FMN1: variants seen among roughly 807,000 people sequenced by gnomAD.
FMN1 encodes the protein formin-1.
In FMN1, 110 loss-of-function variants were observed where a neutral mutation model predicts 132.4. The observed-to-expected ratio is 0.83, with a 90% CI of 0.71 to 0.97. The LOEUF (loss-of-function observed/expected upper bound fraction) is 0.97. FMN1 is among the 50% of genes least tolerant of loss of function. The pLI, the probability that FMN1 is intolerant of heterozygous loss-of-function variation, is 0.00. For missense variants in FMN1, 1,792 were observed against 1,705.3 expected (o/e 1.05, Z -0.90); for synonymous variants, 722 against 651.7 (o/e 1.11, Z -1.64).
intron 6 of FMN1, among the ~76,000 whole-genome samples, chr15:33,047,164 T>C (rs2036726046): frequency 6.6e-6 from 1 of 152,214 alleles, no homozygotes; most frequent in Non-Finnish European, 1.5e-5. Flanking sequence ...TGTGTGGCCT[T>C]TACCATTTGC....
At chr15:32,991,841 A>G (rs1204026030) in intron 7 of FMN1, among the ~76,000 whole-genome samples, 1 of 152,186 alleles carries the variant, frequency 6.6e-6, no homozygotes, top group Non-Finnish European at 1.5e-5. Flanking sequence ...TATGGATCCA[A>G]TAAGAGAGCT....
At position 32,804,297 on chromosome 15, in the gene FMN1, C is replaced by T; in HGVS notation, c.3964G>A (p.Glu1322Lys). The T allele has an allele frequency of 6.4e-7, 1 of 1,569,230 alleles. No individual in the cohort carries two copies. The highest frequency in any genetic ancestry group is 2.3e-5 in the East Asian group (1 of 43,086). Residue 1322 changes from glutamate to lysine, a missense_variant, in exon 18 of 21, where the codon GAG (glutamate) becomes AAG (lysine). This residue lies in a region of FMN1 where 1,150 missense variants were observed against 1,043.1 expected (regional missense o/e 1.10). Coordinates refer to ENST00000616417, the MANE Select transcript of FMN1 (RefSeq NM_001277313.2). ...KEHKMEESHL[E>K]NAQKSFETTV... The stretch of plus-strand genomic sequence containing the variant: ...GCTGCTTACCTTTTCTGTGCATTCT[C>T]CAAGTGACTTTCTTCCATCTTATGC...
chr15:33,154,183 T>C lies in FMN1; in HGVS notation c.732A>G (p.Pro244=). The change falls in exon 4 of 21, where the codon CCA becomes CCG. Residue 244 remains proline (P), a synonymous_variant. Transcript: ENST00000616417. ...ESCPPDIPKT[P]DTDLGFGSFE... is the part of the protein sequence containing the mutation. Reference sequence around the variant, plus strand: ...AGCTCCCAAAGCCAAGGTCTGTGTCTGGCGTCTTGGGAATATCTGGGGGGC... The same window carrying C: ...AGCTCCCAAAGCCAAGGTCTGTGTCCGGCGTCTTGGGAATATCTGGGGGGC... 1 of 1,536,430 alleles carries C rather than the reference T, an allele frequency of 6.5e-7. No individual in the cohort carries two copies. The highest frequency in any genetic ancestry group is 8.7e-7 in the Non-Finnish European group (1 of 1,146,982).
intron 17 of FMN1, among the ~76,000 whole-genome samples, chr15:32,850,625 T>C (rs2058987002): frequency 6.6e-6 from 1 of 152,154 alleles, no homozygotes; most frequent in Non-Finnish European, 1.5e-5. Context: ...ACACCTATCA[T>C]GGGACAGGCT....
intron 6 of FMN1, among the ~76,000 whole-genome samples, chr15:33,018,882 T>TC (rs2035242839): frequency 6.6e-6 from 1 of 152,158 alleles, no homozygotes; most frequent in African/African-American, 2.4e-5. Context: ...TGTTCGATCC[T>TC]CCGGTGGGTT....
At chr15:32,852,265 T>TA (rs1214772762) in intron 17 of FMN1, among the ~76,000 whole-genome samples, 9 of 152,334 alleles carry the variant, frequency 5.9e-5, no homozygotes, top group African/African-American at 2.2e-4. Flanking sequence ...AAAAAGGAGT[T>TA]ACCCTATTCT....
At chr15:33,152,573 TAC>T (rs775494633) in intron 4 of FMN1, among the ~76,000 whole-genome samples, 1 of 152,048 alleles carries the variant, frequency 6.6e-6, no homozygotes, top group Non-Finnish European at 1.5e-5. Context: ...AACCTCTAAC[TAC>T]AGACATAAGT....
chr15:32,839,247 A>T (rs1304285406), intron 17 of FMN1, among the ~76,000 whole-genome samples: 4 of 152,126 alleles, frequency 2.6e-5, no homozygotes, highest in Non-Finnish European at 4.4e-5. Flanking sequence ...GCAGAACTGG[A>T]ACCCCTCTCC....
At chr15:32,956,013 A>G (rs1016574267) in intron 9 of FMN1, among the ~76,000 whole-genome samples, 1 of 152,116 alleles carries the variant, frequency 6.6e-6, no homozygotes, top group African/African-American at 2.4e-5. Flanking sequence ...TTGACTCCCA[A>G]TACTCTGTGT....
chr15:33,009,015 A>G (rs2140948982), intron 6 of FMN1, among the ~76,000 whole-genome samples: 1 of 152,342 alleles, frequency 6.6e-6, no homozygotes, highest in East Asian at 1.9e-4. Flanking sequence ...TTTGTGTTTT[A>G]ATTTAAAAAT....
intron 19 of FMN1, among the ~76,000 whole-genome samples, chr15:32,798,374 G>GA (rs1427852639): frequency 6.6e-6 from 1 of 151,636 alleles, no homozygotes; most frequent in African/African-American, 2.4e-5. Context: ...CACGCTGTGT[G>GA]AAGTGTGGCC....
intron 7 of FMN1, among the ~76,000 whole-genome samples, chr15:32,993,777 C>T (rs1409503761): frequency 6.6e-5 from 10 of 151,950 alleles, no homozygotes; most frequent in Non-Finnish European, 1.0e-4. Context: ...TGTCAGAGAG[C>T]GTAAATTCTC....
intron 19 of FMN1, among the ~76,000 whole-genome samples, chr15:32,780,313 C>T (rs1373708270): frequency 6.6e-6 from 1 of 152,154 alleles, no homozygotes; most frequent in Non-Finnish European, 1.5e-5. Flanking sequence ...AAATAGGTTG[C>T]AGTAAAGAAG....
intron 4 of FMN1, among the ~76,000 whole-genome samples, chr15:33,124,725 G>A (rs566606361): frequency 2.0e-5 from 3 of 152,060 alleles, no homozygotes; most frequent in Non-Finnish European, 4.4e-5. Context: ...AGGAGAGGGA[G>A]GAAATCTCAC....
intron 6 of FMN1, among the ~76,000 whole-genome samples, chr15:33,050,655 T>G (rs946114878): frequency 1.3e-5 from 2 of 152,244 alleles, no homozygotes; most frequent in African/African-American, 4.8e-5. Context: ...TTTAATATTC[T>G]GAGAGGCCAA....
intron 4 of FMN1, chr15:33,150,556 T>G: frequency 1.0e-6 from 1 of 985,454 alleles, no homozygotes; most frequent in Non-Finnish European, 1.2e-6. Flanking sequence ...GTGACATCCT[T>G]ATGCTACATC....
At chr15:32,894,707 TC>T (rs2060112377) in intron 15 of FMN1, among the ~76,000 whole-genome samples, 1 of 152,096 alleles carries the variant, frequency 6.6e-6, no homozygotes, top group Non-Finnish European at 1.5e-5. Flanking sequence ...AAGTTATTTT[TC>T]ACTACATCTT....
intron 2 of FMN1, among the ~76,000 whole-genome samples, chr15:33,182,120 G>C (rs1179049265): frequency 3.3e-5 from 5 of 152,156 alleles, no homozygotes; most frequent in Non-Finnish European, 5.9e-5. Flanking sequence ...TAGTAGGCAA[G>C]ATTATTTTTC....
chr15:32,865,334 T>C (rs899363247), intron 16 of FMN1, among the ~76,000 whole-genome samples: 2 of 152,222 alleles, frequency 1.3e-5, no homozygotes, highest in African/African-American at 4.8e-5. Context: ...GGAACTATAA[T>C]GAACAGATAA....
Sources: allele counts gnomAD v4.1 joint callset (sites outside exome capture counted in the v4.1 genomes callset), GRCh38; gene constraint gnomAD v4.1.1; regional missense constraint gnomAD v4.1.1; transcripts MANE v1.5; gene names NCBI Gene and HGNC (gene_info 2026-07-23, HGNC 2026-07-21).